The following KLRF2 variants were observed in gnomAD, a reference collection of about 807,000 sequenced individuals.
KLRF2 encodes the protein killer cell lectin like receptor F2.
KLRF2 carries 28 observed loss-of-function variants against 25.3 expected under a neutral mutation model. The ratio of observed to expected loss-of-function variants is 1.11; its 90% CI spans 0.82 to 1.52. The LOEUF (loss-of-function observed/expected upper bound fraction) is 1.52. Ranked by LOEUF, KLRF2 falls within the 40% of genes most tolerant of loss-of-function variation. KLRF2 has a pLI of 0.00. For synonymous variants in KLRF2, 73 were observed against 85.0 expected (o/e 0.86, Z 0.78); for missense variants, 265 against 245.8 (o/e 1.08, Z -0.52).
At chr12:9,891,094 G>C (rs1302511821) in intron 3 of KLRF2, among the ~76,000 whole-genome samples, 1 of 146,444 alleles carries the variant, frequency 6.8e-6, no homozygotes, top group African/African-American at 2.5e-5. Flanking sequence ...GGTCATGGTT[G>C]GGCACAATTT....
rs115499675 is a variant in KLRF2, at chr12:9,884,243, T to C, written c.71-691T>C. 5.0e-3 allele frequency among the ~76,000 whole-genome samples: 768 copies of C among 152,216 alleles called. 3 individuals are homozygous for C. Among genetic ancestry groups the C allele is most frequent in the African/African-American group, 0.018 (733 of 41,582 alleles). On this transcript the variant is annotated intron_variant, in intron 1 of 5. Transcript: ENST00000535540. ...CTTGTTTATTCCTTTATAAGGAAGCTATTCTTGCCAACTCTAATGCGATGA... is the reference window on the plus strand; with the variant it reads ...CTTGTTTATTCCTTTATAAGGAAGCCATTCTTGCCAACTCTAATGCGATGA...
chr12:9,888,096 G>GAA (rs111917558), intron 2 of KLRF2, among the ~76,000 whole-genome samples: 1,836 of 101,268 alleles, frequency 0.018, 61 homozygotes, highest in African/African-American at 0.066. Context: ...TAATAAAAAT[G>GAA]AAAAAAAAAA....
At chr12:9,894,191 CT>C (rs1186634242) in intron 5 of KLRF2, among the ~76,000 whole-genome samples, 1 of 113,958 alleles carries the variant, frequency 8.8e-6, no homozygotes, top group African/African-American at 3.3e-5. Flanking sequence ...TTCTTTCTTT[CT>C]TTTTTTTTCA....
intron 5 of KLRF2, 59 bp downstream of exon 5, chr12:9,893,600 A>T: frequency 1.7e-6 from 1 of 574,940 alleles, no homozygotes. Context: ...TTTATATTAA[A>T]CTTCTTCACT....
intron 2 of KLRF2, 31 bp downstream of exon 2, chr12:9,885,063 T>G: frequency 2.4e-6 from 2 of 835,828 alleles, no homozygotes; most frequent in Non-Finnish European, 3.3e-6. Flanking sequence ...TATTTGAACA[T>G]TTTCAGAAGA....
intron 1 of KLRF2, 106 bp from the exon 2 acceptor site, chr12:9,884,828 T>G: frequency 2.5e-6 from 1 of 401,826 alleles, no homozygotes; most frequent in Non-Finnish European, 4.4e-6. Flanking sequence ...TCATAAATTC[T>G]AATGACATAT....
At chr12:9,893,215 A>T in intron 4 of KLRF2, 47 bp downstream of exon 4, 1 of 1,500,312 alleles carries the variant, frequency 6.7e-7, no homozygotes, top group Non-Finnish European at 8.9e-7. Flanking sequence ...AAAATGGCTT[A>T]GGTGCAAGTT....
rs75497020 is a variant in KLRF2 at position 9,894,706 on chromosome 12, A to G, written c.480-983A>G. ...GGAGTCATAGTTCATTTCAGTTCAG[A>G]TATTTATCTACTCCTGGATACATCT... On this transcript the variant is annotated intron_variant, in intron 5 of 5. Transcript: ENST00000535540. Among the ~76,000 whole-genome samples the G allele has an allele frequency of 1.6e-3, 249 of 152,198 alleles. 2 individuals are homozygous for G. Among genetic ancestry groups the G allele is most frequent in the African/African-American group, 5.7e-3 (238 of 41,524 alleles).
intron 2 of KLRF2, among the ~76,000 whole-genome samples, chr12:9,887,143 T>G (rs1202480380): frequency 6.6e-6 from 1 of 151,810 alleles, no homozygotes; most frequent in African/African-American, 2.4e-5. Context: ...AAAGTAGATA[T>G]AAAATAATGA....
intron 3 of KLRF2, 63 bp from the exon 4 acceptor site, chr12:9,892,957 A>C: frequency 7.8e-7 from 1 of 1,285,896 alleles, no homozygotes; most frequent in Non-Finnish European, 1.1e-6. Flanking sequence ...CACATTTGAT[A>C]ATATTTCTAT....
Position 9,884,951 on chromosome 12 carries a change from C to T in KLRF2, c.88C>T (p.Gln30Ter). The T allele has an allele frequency of 1.6e-6, 2 of 1,267,432 alleles. No individual in the cohort carries two copies. The highest frequency in any genetic ancestry group is 1.0e-6 in the Non-Finnish European group (1 of 974,004). The allele number at this position is 1,267,432 out of a possible 1,614,324, so 78.5% of individuals were successfully genotyped here. A position where few individuals can be genotyped will look rare whatever the true frequency, so the allele number is the denominator to read the frequency against. The change falls in exon 2 of 6, where the codon CAA becomes TAA. Residue 30 changes from glutamine to a stop codon, truncating the protein, a stop_gained. Transcript: ENST00000535540. LOFTEE classifies it high-confidence loss of function. ...CATTTCAGATTTCTCCCTATATCCA[C>T]AATATTATTGTCTTCTGCTCATATT... ...QKSKDFSLYP[Q>*]YYCLLLIFGC...
intron 1 of KLRF2, among the ~76,000 whole-genome samples, chr12:9,882,284 T>C (rs1352818659): frequency 6.6e-6 from 1 of 152,200 alleles, no homozygotes; most frequent in East Asian, 1.9e-4. Context: ...GCCATATGTA[T>C]TGAACATTCT....
At position 9,882,828 on chromosome 12, in the gene KLRF2, T is replaced by C. The variant is rs1565520532; in HGVS notation, c.70+1163T>C. ...CAGACCCTAAAGCCCACAGACTAAATGTATGGCTCTGGGCAGAAGCTTTTA... is the reference window on the plus strand; with the variant it reads ...CAGACCCTAAAGCCCACAGACTAAACGTATGGCTCTGGGCAGAAGCTTTTA... On this transcript the variant is annotated intron_variant, in intron 1 of 5. Coordinates refer to ENST00000535540, the MANE Select transcript of KLRF2 (RefSeq NM_001190765.1). Among the ~76,000 whole-genome samples, 3 of 152,220 alleles carry C rather than the reference T, an allele frequency of 2.0e-5. No homozygotes were observed. The East Asian group carries it at 5.8e-4, about 29-fold the overall frequency.
chr12:9,884,387 A>G (rs1270994083), intron 1 of KLRF2, among the ~76,000 whole-genome samples: 17 of 151,854 alleles, frequency 1.1e-4, no homozygotes, highest in Admixed American at 1.1e-3. Flanking sequence ...TTACAGGTGT[A>G]AGGTGAAATA....
chr12:9,893,321 T>A, intron 4 of KLRF2, 108 bp from the exon 5 acceptor site: 1 of 828,366 alleles, frequency 1.2e-6, no homozygotes, highest in Admixed American at 2.9e-5. Context: ...AATGCTAATG[T>A]ATATGAAAAA....
chr12:9,890,990 C>T (rs2137001843), intron 3 of KLRF2, among the ~76,000 whole-genome samples: 1 of 151,300 alleles, frequency 6.6e-6, no homozygotes, highest in African/African-American at 2.4e-5. Context: ...ACTTTAATTG[C>T]ATTTGGTTAA....
chr12:9,888,606 T>C, intron 2 of KLRF2, 127 bp from the exon 3 acceptor site: 1 of 558,164 alleles, frequency 1.8e-6, no homozygotes, highest in Non-Finnish European at 3.2e-6. Context: ...AGTGGATGCA[T>C]AGGAGAAGAG....
At chr12:9,892,226 G>C (rs1024676582) in intron 3 of KLRF2, among the ~76,000 whole-genome samples, 1 of 152,072 alleles carries the variant, frequency 6.6e-6, no homozygotes, top group Middle Eastern at 3.2e-3. Context: ...AAAGTTAGCG[G>C]GTAAAGAAGG....
chr12:9,886,895 G>A (rs957123062), intron 2 of KLRF2, among the ~76,000 whole-genome samples: 5 of 152,090 alleles, frequency 3.3e-5, no homozygotes, highest in African/African-American at 1.2e-4. Context: ...TTTGGTTTTG[G>A]AGTGAGAGAG....
Sources: allele counts gnomAD v4.1 joint callset (sites outside exome capture counted in the v4.1 genomes callset), GRCh38; gene constraint gnomAD v4.1.1; transcripts MANE v1.5; gene names NCBI Gene and HGNC (gene_info 2026-07-23, HGNC 2026-07-21).